Variants in AMPH observed in about 807,000 individuals in gnomAD.
AMPH encodes amphiphysin (Stiff-Mann syndrome with breast cancer 128kD autoantigen).
A neutral mutation model predicts 99.1 loss-of-function variants in AMPH; 49 were observed. The ratio of observed to expected loss-of-function variants is 0.49; its 90% confidence interval spans 0.39 to 0.63. The LOEUF (loss-of-function observed/expected upper bound fraction) is 0.63, where lower values mean the gene tolerates loss of function less well. Among genes scored for constraint, AMPH ranks in the 20% least tolerant of loss-of-function variants. The pLI is 0.00. For missense variants in AMPH, 759 were observed against 863.4 expected, an observed-to-expected ratio of 0.88 and a Z score of 1.52; for synonymous variants, 314 against 317.3, an observed-to-expected ratio of 0.99 and a Z score of 0.11.
At chr7:38,498,926 C>G (rs77531751) in intron 3 of AMPH, among the ~76,000 whole-genome samples, 2 of 152,148 alleles carry the variant, frequency 1.3e-5, no homozygotes, top group Admixed American at 6.5e-5. Context: ...CTCAAGAACC[C>G]GTGCTTCCTT....
In AMPH at chr7:38,451,348, CGTTAT is replaced by C. The variant is rs1282048652; in HGVS notation, c.1017+9930_1017+9934del. 6.8e-4 allele frequency among the ~76,000 whole-genome samples: 102 copies of C among 149,934 alleles called. No individual in the cohort carries two copies. The East Asian group carries it at 8.7e-3, about 13-fold the overall frequency. On this transcript the variant is annotated intron_variant, in intron 11 of 20. Coordinates refer to ENST00000356264, the MANE Select transcript of AMPH (RefSeq NM_001635.4). ...ATACACATGTATATATACATATATA[CGTTAT>C]ATACACGTATATATATGTGTATATA...
intron 11 of AMPH, among the ~76,000 whole-genome samples, chr7:38,439,333 G>C (rs1349519784): frequency 6.6e-6 from 1 of 152,154 alleles, no homozygotes; most frequent in Non-Finnish European, 1.5e-5. Context: ...ATGCCAATTG[G>C]ACTGCCTTCA....
At chr7:38,404,257 C>T (rs778209851) in intron 17 of AMPH, among the ~76,000 whole-genome samples, 7 of 151,960 alleles carry the variant, frequency 4.6e-5, no homozygotes, top group Non-Finnish European at 1.0e-4. Flanking sequence ...CTCCTGTCAC[C>T]CTTGTCAGGG....
At chr7:38,528,716 A>G (rs1043342351) in intron 2 of AMPH, among the ~76,000 whole-genome samples, 1 of 151,026 alleles carries the variant, frequency 6.6e-6, no homozygotes, top group Non-Finnish European at 1.5e-5. Context: ...TTCCATTTTC[A>G]GTTTCATTGA....
chr7:38,615,219 G>GT (rs1793834683), intron 1 of AMPH, among the ~76,000 whole-genome samples: 2 of 152,138 alleles, frequency 1.3e-5, no homozygotes, highest in Non-Finnish European at 2.9e-5. Context: ...CTGTTCATCT[G>GT]TAAGATAGGG....
intron 2 of AMPH, among the ~76,000 whole-genome samples, chr7:38,527,871 A>G (rs1790247177): frequency 6.6e-6 from 1 of 152,150 alleles, no homozygotes; most frequent in South Asian, 2.1e-4. Flanking sequence ...TATTAACTGT[A>G]CGTTAGGTTT....
intron 11 of AMPH, among the ~76,000 whole-genome samples, chr7:38,451,296 C>T (rs1787008243): frequency 7.2e-6 from 1 of 138,712 alleles, no homozygotes; most frequent in Non-Finnish European, 1.5e-5. Context: ...CACATGCACA[C>T]ATATATACGT....
At position 38,475,176 on chromosome 7, in the gene AMPH, T is replaced by C. The variant is rs367745457; in HGVS notation, c.590+155A>G. Among the ~76,000 whole-genome samples, 36 of 152,326 alleles carry C rather than the reference T, an allele frequency of 2.4e-4. No individual in the cohort carries two copies. The East Asian group carries it at 4.8e-3, about 20-fold the overall frequency. On this transcript the variant is annotated intron_variant, in intron 7 of 20. Coordinates refer to ENST00000356264, the MANE Select transcript of AMPH (RefSeq NM_001635.4). ...ATTCCAAGCAATCAATACCCACTGGTGACAAGTAGCTACCATACTGGAAAG... is the reference window on the plus strand; with the variant it reads ...ATTCCAAGCAATCAATACCCACTGGCGACAAGTAGCTACCATACTGGAAAG...
chr7:38,573,153 T>C (rs1792112283), intron 1 of AMPH, among the ~76,000 whole-genome samples: 1 of 152,236 alleles, frequency 6.6e-6, no homozygotes, highest in South Asian at 2.1e-4. Context: ...CTCCCTGATG[T>C]AATTACAAAG....
chr7:38,414,216 T>C (rs76729501), intron 17 of AMPH, among the ~76,000 whole-genome samples: 5,106 of 152,342 alleles, frequency 0.034, 138 homozygotes, highest in Middle Eastern at 0.068. Flanking sequence ...TTGGTTTAAA[T>C]TGGTCTTGAC....
chr7:38,403,371 C>G (rs2267804), intron 17 of AMPH, among the ~76,000 whole-genome samples: 112,211 of 152,156 alleles, frequency 0.74, 41,660 homozygotes, highest in East Asian at 0.96. Context: ...TTGTGACCTT[C>G]GGCAATGCTG....
intron 5 of AMPH, among the ~76,000 whole-genome samples, chr7:38,485,748 T>C (rs1788466419): frequency 6.6e-6 from 1 of 151,888 alleles, no homozygotes. Flanking sequence ...TTAACAAATT[T>C]AAGAAGACTG....
chr7:38,569,317 T>G (rs1057047093), intron 1 of AMPH, among the ~76,000 whole-genome samples: 1 of 151,768 alleles, frequency 6.6e-6, no homozygotes, highest in Admixed American at 6.6e-5. Flanking sequence ...CAATTTACAA[T>G]CATAAAAAGT....
chr7:38,591,062 C>T (rs1016489932), intron 1 of AMPH, among the ~76,000 whole-genome samples: 1 of 152,094 alleles, frequency 6.6e-6, no homozygotes, highest in Non-Finnish European at 1.5e-5. Flanking sequence ...GAGAGGGAAT[C>T]TTCTCACCAG....
intron 1 of AMPH, among the ~76,000 whole-genome samples, chr7:38,630,238 C>T (rs1794408263): frequency 6.6e-6 from 1 of 152,116 alleles, no homozygotes; most frequent in Non-Finnish European, 1.5e-5. Flanking sequence ...GCTCATTAGC[C>T]GGTGTTGATT....
At chr7:38,393,034 C>T (rs751489498) in intron 18 of AMPH, among the ~76,000 whole-genome samples, 16 of 152,192 alleles carry the variant, frequency 1.1e-4, no homozygotes, top group Non-Finnish European at 2.1e-4. Context: ...TCTATATTCC[C>T]TCTGCTATCA....
At chr7:38,456,031 C>G (rs1787219747) in intron 11 of AMPH, among the ~76,000 whole-genome samples, 1 of 152,164 alleles carries the variant, frequency 6.6e-6, no homozygotes, top group African/African-American at 2.4e-5. Context: ...TAGAGGGGCC[C>G]CCACCTTCCC....
chr7:38,484,849 T>A (rs915565615), intron 5 of AMPH, among the ~76,000 whole-genome samples: 3 of 151,922 alleles, frequency 2.0e-5, no homozygotes, highest in Non-Finnish European at 4.4e-5. Context: ...AAAGTATACA[T>A]GTGGTGAAAA....
intron 7 of AMPH, among the ~76,000 whole-genome samples, chr7:38,470,010 T>A (rs1787818999): frequency 6.6e-6 from 1 of 152,082 alleles, no homozygotes; most frequent in African/African-American, 2.4e-5. Context: ...ATCAATGCAC[T>A]TTTCTTCCAG....
Sources: gnomAD v4.1 joint callset for allele counts (sites outside exome capture counted in the v4.1 genomes callset) on GRCh38, gnomAD v4.1.1 for gene constraint, MANE v1.5 for transcripts, NCBI Gene and HGNC (gene_info 2026-07-23, HGNC 2026-07-21) for gene names.